The following RTN4RL1 variants were observed in gnomAD, a reference collection of about 807,000 sequenced individuals.
The protein encoded by RTN4RL1 is reticulon 4 receptor like 1.
RTN4RL1 carries 7 observed loss-of-function variants against 25.6 expected under a neutral mutation model. That is an observed-to-expected ratio of 0.27 (90% CI 0.16 to 0.51). The LOEUF (loss-of-function observed/expected upper bound fraction) is 0.51. Among genes scored for constraint, RTN4RL1 ranks in the 20% least tolerant of loss-of-function variants. The probability of loss-of-function intolerance (pLI) is 0.97; values close to 1 mark genes in which losing one functional copy is unlikely to be tolerated. For missense variants in RTN4RL1, 500 were observed against 615.6 expected (o/e 0.81, Z 1.99); for synonymous variants, 297 against 288.2 (o/e 1.03, Z -0.31).
chr17:1,965,346 A>G (rs548056486), intron 1 of RTN4RL1, among the ~76,000 whole-genome samples: 4 of 149,806 alleles, frequency 2.7e-5, no homozygotes, highest in Admixed American at 6.6e-5. Context: ...TCCTGACCTC[A>G]GGTGATCCGC....
chr17:1,985,059 T>A (rs2066882303), intron 1 of RTN4RL1, among the ~76,000 whole-genome samples: 1 of 152,226 alleles, frequency 6.6e-6, no homozygotes, highest in Non-Finnish European at 1.5e-5. Flanking sequence ...CACGCACTGC[T>A]CATTTCATTC....
chr17:1,945,380 G>C (rs1031956490), intron 1 of RTN4RL1, among the ~76,000 whole-genome samples: 11 of 152,140 alleles, frequency 7.2e-5, no homozygotes, highest in Non-Finnish European at 1.6e-4. Context: ...CCGCCACCAT[G>C]CCCGGCTAAT....
At chr17:1,987,788 C>T (rs939545466) in intron 1 of RTN4RL1, among the ~76,000 whole-genome samples, 1 of 150,636 alleles carries the variant, frequency 6.6e-6, no homozygotes, top group African/African-American at 2.4e-5. Context: ...ACACATTATC[C>T]CACAATATCT....
intron 1 of RTN4RL1, among the ~76,000 whole-genome samples, chr17:1,993,494 G>A (rs143458196): frequency 6.6e-6 from 1 of 152,304 alleles, no homozygotes; most frequent in Non-Finnish European, 1.5e-5. Context: ...TTACTGTGAG[G>A]AGTAAGCAAA....
At chr17:2,021,561 T>TC (rs2067202578) in intron 1 of RTN4RL1, among the ~76,000 whole-genome samples, 2 of 147,662 alleles carry the variant, frequency 1.4e-5, no homozygotes, top group African/African-American at 5.0e-5. Flanking sequence ...CTTTTTTTTT[T>TC]TTTTTTTTTT....
chr17:1,976,528 T>G (rs116113142), intron 1 of RTN4RL1, among the ~76,000 whole-genome samples: 155 of 152,318 alleles, frequency 1.0e-3, no homozygotes, highest in African/African-American at 3.5e-3. Context: ...GCCCTGCCAC[T>G]CAGCAGCAGT....
At chr17:1,956,811 C>G (rs1915803903) in intron 1 of RTN4RL1, among the ~76,000 whole-genome samples, 1 of 150,282 alleles carries the variant, frequency 6.7e-6, no homozygotes, top group African/African-American at 2.5e-5. Flanking sequence ...GGTGCGATCT[C>G]AGCTCACTAC....
At chr17:2,012,089 G>C (rs529084008) in intron 1 of RTN4RL1, among the ~76,000 whole-genome samples, 1 of 152,294 alleles carries the variant, frequency 6.6e-6, no homozygotes, top group South Asian at 2.1e-4. Context: ...GCTTCCTCTG[G>C]CAATTTTAGC....
chr17:1,939,081 A>ACG (rs1567847352), intron 1 of RTN4RL1, among the ~76,000 whole-genome samples: 1,517 of 150,796 alleles, frequency 0.01, 26 homozygotes, highest in African/African-American at 0.036. Context: ...GGCCGGGAGC[A>ACG]GTGGCTCACA....
At chr17:1,954,126 G>C (rs1197462406) in intron 1 of RTN4RL1, among the ~76,000 whole-genome samples, 1 of 152,176 alleles carries the variant, frequency 6.6e-6, no homozygotes, top group African/African-American at 2.4e-5. Flanking sequence ...ATGGTAGTAT[G>C]TCCTCTTTCT....
intron 1 of RTN4RL1, among the ~76,000 whole-genome samples, chr17:1,961,693 C>T (rs577956933): frequency 6.8e-5 from 10 of 147,180 alleles, no homozygotes; most frequent in South Asian, 4.3e-4. Context: ...TTTGGGAGGC[C>T]GATGCGGGCA....
intron 1 of RTN4RL1, among the ~76,000 whole-genome samples, chr17:2,007,367 C>T (rs1430760945): frequency 1.3e-5 from 2 of 151,750 alleles, no homozygotes; most frequent in Non-Finnish European, 1.5e-5. Flanking sequence ...CACACACACA[C>T]ACACACACTC....
chr17:2,024,285 G>A (rs935026738), intron 1 of RTN4RL1, among the ~76,000 whole-genome samples: 7 of 152,214 alleles, frequency 4.6e-5, no homozygotes, highest in African/African-American at 1.7e-4. Context: ...CTGGACATCA[G>A]GCGCTGGCCG....
intron 1 of RTN4RL1, among the ~76,000 whole-genome samples, chr17:1,943,057 A>G (rs951255907): frequency 1.1e-4 from 17 of 152,204 alleles, no homozygotes; most frequent in African/African-American, 3.4e-4. Context: ...CAGGCCGGCC[A>G]GCCACAGCTG....
chr17:2,004,992 C>G (rs2151323788), intron 1 of RTN4RL1, among the ~76,000 whole-genome samples: 2 of 152,290 alleles, frequency 1.3e-5, no homozygotes, highest in Middle Eastern at 6.8e-3. Flanking sequence ...GTGCCAAGAG[C>G]TTTTTAAATT....
intron 1 of RTN4RL1, among the ~76,000 whole-genome samples, chr17:1,945,793 C>T (rs569724917): frequency 1.5e-4 from 23 of 152,344 alleles, no homozygotes; most frequent in Middle Eastern, 3.4e-3. Context: ...CTGTGTTCTC[C>T]GCAGTACCCT....
Position 1,935,781 on chromosome 17 carries a change from C to A in RTN4RL1, c.*715G>T, listed in dbSNP as rs1478884346. ...TAGAGTGTGAATATATATAAGTGGA[C>A]GTAGTTAGTTATAAAACTGCACCTT... On this transcript the variant is annotated 3_prime_UTR_variant, in exon 2 of 2. Coordinates refer to ENST00000331238, the MANE Select transcript of RTN4RL1 (RefSeq NM_178568.4). The A allele has an allele frequency of 9.0e-6, 8 of 892,924 alleles. No homozygotes were observed. The highest frequency in any genetic ancestry group is 1.1e-5 in the Non-Finnish European group (8 of 760,746). The allele number at this position is 892,924 out of a possible 1,614,324, so 55.3% of individuals were successfully genotyped here.
chr17:1,980,576 C>CACAGATGACA (rs1166306606), intron 1 of RTN4RL1, among the ~76,000 whole-genome samples: 1 of 151,966 alleles, frequency 6.6e-6, no homozygotes, highest in Non-Finnish European at 1.5e-5. Flanking sequence ...TCATACTTTC[C>CACAGATGACA]ACAGATGACA....
intron 1 of RTN4RL1, among the ~76,000 whole-genome samples, chr17:1,961,238 G>C (rs1466956612): frequency 6.6e-6 from 1 of 152,178 alleles, no homozygotes; most frequent in Non-Finnish European, 1.5e-5. Flanking sequence ...GGGAGGGGAG[G>C]AGTAACCAGG....
Sources: gnomAD v4.1 joint callset for allele counts (sites outside exome capture counted in the v4.1 genomes callset) on GRCh38, gnomAD v4.1.1 for gene constraint, MANE v1.5 for transcripts, NCBI Gene and HGNC (gene_info 2026-07-23, HGNC 2026-07-21) for gene names.